JMY: variants seen among roughly 807,000 people sequenced by gnomAD.
JMY encodes the protein junction mediating and regulatory protein, p53 cofactor, also known as junction-mediating and -regulatory protein.
In JMY, 46 loss-of-function variants were observed where a neutral mutation model predicts 103.3. That is an observed-to-expected ratio of 0.45 (90% CI 0.35 to 0.57). The LOEUF (loss-of-function observed/expected upper bound fraction) is 0.57, where lower values mean the gene tolerates loss of function less well. JMY is among the 20% of genes least tolerant of loss of function. JMY has a pLI of 0.00. For missense variants in JMY, 1,238 were observed against 1,255.2 expected (o/e 0.99, Z 0.21); for synonymous variants, 526 against 489.3 (o/e 1.07, Z -0.99).
intron 1 of JMY, among the ~76,000 whole-genome samples, chr5:79,267,006 A>C (rs1745604483): frequency 6.6e-6 from 1 of 152,232 alleles, no homozygotes; most frequent in African/African-American, 2.4e-5. Flanking sequence ...TTTAAAAATT[A>C]ATAGACTTGA....
intron 1 of JMY, among the ~76,000 whole-genome samples, chr5:79,249,485 C>T (rs1287718690): frequency 6.6e-6 from 1 of 152,208 alleles, no homozygotes; most frequent in East Asian, 1.9e-4. Flanking sequence ...CCTGTATAGC[C>T]TTGGAGTTGG....
chr5:79,287,815 G>A (rs1315788884), intron 2 of JMY, among the ~76,000 whole-genome samples: 2 of 152,126 alleles, frequency 1.3e-5, no homozygotes, highest in African/African-American at 2.4e-5. Flanking sequence ...TTCAAAAAAG[G>A]TATAACTTCA....
intron 1 of JMY, 132 bp from the exon 2 acceptor site, chr5:79,277,778 A>G (rs192728300): frequency 3.1e-6 from 2 of 649,348 alleles, no homozygotes; most frequent in Admixed American, 6.0e-5. Context: ...AAAAGCAGTC[A>G]ATGCTTTTCA....
chr5:79,306,390 A>G lies in JMY; in HGVS notation c.1897A>G (p.Lys633Glu), dbSNP rs1161422881. The G allele has an allele frequency of 5.0e-6, 8 of 1,611,874 alleles. No homozygotes were observed. The highest frequency in any genetic ancestry group is 6.8e-6 in the Non-Finnish European group (8 of 1,178,148). ...GTATTTACAGGAAATATGTATTGCA[A>G]AACACAATGAAAAAATCCAACAGCG... ...LRNKKEICIAKHNEKIQQRTR... is the reference protein window; with the variant it reads ...LRNKKEICIAEHNEKIQQRTR... The change falls in exon 7 of 11, where the codon AAA (lysine) becomes GAA (glutamate). Residue 633 changes from lysine to glutamate, a missense_variant. Lys to Glu is a moderately conservative substitution (Grantham distance 56, BLOSUM62 1). Transcript: ENST00000396137.
rs142797230 is a variant in JMY, at chr5:79,273,731, C to T, written c.1033-4179C>T. Reference sequence around the variant, plus strand: ...CTAGGATTGCTTGAATCCAAGAGTTCGAGACCAGCCTAAGCAATATAGTGA... The same window carrying T: ...CTAGGATTGCTTGAATCCAAGAGTTTGAGACCAGCCTAAGCAATATAGTGA... On this transcript the variant is annotated intron_variant, in intron 1 of 10. Coordinates refer to ENST00000396137, the MANE Select transcript of JMY (RefSeq NM_152405.5). Among the ~76,000 whole-genome samples the T allele has an allele frequency of 5.9e-3, 896 of 152,296 alleles. 8 individuals are homozygous for T. Among genetic ancestry groups the T allele is most frequent in the African/African-American group, 0.02 (852 of 41,576 alleles).
rs200439758 is a variant in JMY, at chr5:79,237,702, G to C, written c.1032+20G>C. 1.3e-6 allele frequency: 2 copies of C among 1,597,934 alleles called. No individual in the cohort carries two copies. Among genetic ancestry groups the C allele is most frequent in the East Asian group, 4.5e-5 (2 of 44,686 alleles). On this transcript the variant is annotated intron_variant, in intron 1 of 10. Transcript: ENST00000396137. ...CAGGAGGTGAGTGAGTGAGCTCCTA[G>C]TCTGGGCTCTACTGGTCGCTTTTGG...
At position 79,265,185 on chromosome 5, in the gene JMY, A is replaced by G. The variant is rs531687975; in HGVS notation, c.1033-12725A>G. Among the ~76,000 whole-genome samples the G allele has an allele frequency of 1.1e-4, 16 of 152,330 alleles. No homozygotes were observed. The East Asian group carries it at 3.1e-3, about 29-fold the overall frequency. On this transcript the variant is annotated intron_variant, in intron 1 of 10. Coordinates refer to ENST00000396137, the MANE Select transcript of JMY (RefSeq NM_152405.5). The stretch of plus-strand genomic sequence containing the variant: ...GTGATCCGCCCGCCTTGGCCTCCCA[A>G]AGTGCTGGGATTACAGGCGTGAGCT...
chr5:79,236,511 G>A lies in JMY; in HGVS notation c.-140G>A. On this transcript the variant is annotated 5_prime_UTR_variant, in exon 1 of 11. Transcript: ENST00000396137. Reference sequence around the variant, plus strand: ...TCGGGGCGCGGAGGGACAGGCGAACGAGCCGGGAGAGCCGGCCGGCGCACT... The same window carrying A: ...TCGGGGCGCGGAGGGACAGGCGAACAAGCCGGGAGAGCCGGCCGGCGCACT... 1 of 562,970 alleles carries A rather than the reference G, an allele frequency of 1.8e-6. No homozygotes were observed. The highest frequency in any genetic ancestry group is 2.7e-6 in the Non-Finnish European group (1 of 365,976). 34.9% of individuals were successfully genotyped at this position (562,970 alleles called of 1,614,324 possible).
At chr5:79,306,279 T>C (rs1746877788) in intron 6 of JMY, 96 bp from the exon 7 acceptor site, 3 of 795,636 alleles carry the variant, frequency 3.8e-6, no homozygotes, top group Non-Finnish European at 6.4e-6. Context: ...CTTTGTTCTG[T>C]AGGTGGTATA....
intron 6 of JMY, among the ~76,000 whole-genome samples, 178 bp from the exon 7 acceptor site, chr5:79,306,197 G>A (rs533850863): frequency 1.3e-5 from 2 of 152,142 alleles, no homozygotes; most frequent in African/African-American, 2.4e-5. Flanking sequence ...GAGTCTTTTC[G>A]TAAGATCCTG....
chr5:79,264,897 G>GTTATT (rs936714048), intron 1 of JMY, among the ~76,000 whole-genome samples: 14 of 152,226 alleles, frequency 9.2e-5, no homozygotes, highest in East Asian at 5.8e-4. Context: ...AGTGGGAAAA[G>GTTATT]TTATTTTATT....
rs570662044 is a variant in JMY at position 79,322,992 on chromosome 5, T to G, written c.*1390T>G. On this transcript the variant is annotated 3_prime_UTR_variant, in exon 11 of 11. Coordinates refer to ENST00000396137, the MANE Select transcript of JMY (RefSeq NM_152405.5). ...GAGAAAAAAAGAAATGCTCACACCT[T>G]TGTTATTTTAAAGTGTTTTCTTGAA... The G allele has an allele frequency of 2.0e-5, 3 of 152,362 alleles. No individual in the cohort carries two copies. Among genetic ancestry groups the G allele is most frequent in the South Asian group, 4.1e-4 (2 of 4,830 alleles). The allele number at this position is 152,362 out of a possible 1,614,324, so 9.4% of individuals were successfully genotyped here.
Position 79,291,238 on chromosome 5 carries a change from T to G in JMY, c.1466T>G (p.Leu489Trp). Residue 489 changes from leucine (L) to tryptophan (W), a missense_variant, in exon 4 of 11, where the codon TTG (leucine) becomes TGG (tryptophan). Physicochemically the swap from Leu to Trp is moderately conservative, Grantham distance 61. Coordinates refer to ENST00000396137, the MANE Select transcript of JMY (RefSeq NM_152405.5). ...KLQYAVSKETLQMMRAKEICL... is the reference protein window; with the variant it reads ...KLQYAVSKETWQMMRAKEICL... ...CAGTATGCAGTTTCTAAGGAAACTT[T>G]GCAGATGATGAGAGCTAAAGAGATA... 1.2e-6 allele frequency: 2 copies of G among 1,613,240 alleles called. No homozygotes were observed. The highest frequency in any genetic ancestry group is 1.7e-6 in the Non-Finnish European group (2 of 1,179,636).
intron 2 of JMY, among the ~76,000 whole-genome samples, chr5:79,281,658 C>T (rs1282611126): frequency 6.6e-6 from 1 of 151,868 alleles, no homozygotes; most frequent in African/African-American, 2.4e-5. Flanking sequence ...AAGCCAAATA[C>T]AAAAGAATAT....
chr5:79,286,786 G>T (rs181285607), intron 2 of JMY, among the ~76,000 whole-genome samples: 1 of 152,270 alleles, frequency 6.6e-6, no homozygotes, highest in Admixed American at 6.5e-5. Context: ...AGTTGTATCT[G>T]TTGAGAGCTA....
At chr5:79,251,902 G>A (rs1580330637) in intron 1 of JMY, among the ~76,000 whole-genome samples, 1 of 152,116 alleles carries the variant, frequency 6.6e-6, no homozygotes, top group Admixed American at 6.5e-5. Flanking sequence ...AGCCTCCCGA[G>A]TAGCTGGGAT....
chr5:79,295,426 T>A (rs1746538613), intron 4 of JMY, among the ~76,000 whole-genome samples: 1 of 152,230 alleles, frequency 6.6e-6, no homozygotes, highest in Non-Finnish European at 1.5e-5. Context: ...ATTATATACC[T>A]TCTGGAATGT....
intron 6 of JMY, among the ~76,000 whole-genome samples, chr5:79,305,698 A>G (rs865859436): frequency 1.3e-5 from 2 of 152,122 alleles, no homozygotes; most frequent in South Asian, 4.1e-4. Flanking sequence ...CATAGTTTCT[A>G]AATAATTTTG....
intron 10 of JMY, among the ~76,000 whole-genome samples, chr5:79,320,151 G>T (rs1304188124): frequency 6.6e-6 from 1 of 152,074 alleles, no homozygotes; most frequent in Non-Finnish European, 1.5e-5. Context: ...GAGGCTGGGG[G>T]TGGGTGGATC....
Sources: gnomAD v4.1 joint callset for allele counts (sites outside exome capture counted in the v4.1 genomes callset) on GRCh38, gnomAD v4.1.1 for gene constraint, MANE v1.5 for transcripts, NCBI Gene and HGNC (gene_info 2026-07-23, HGNC 2026-07-21) for gene names.